TCF4: variants seen among roughly 807,000 people sequenced by gnomAD.
The protein encoded by TCF4 is SL3-3 enhancer factor 2.
A neutral mutation model predicts 82.1 loss-of-function variants in TCF4; 3 were observed. That is an observed-to-expected ratio of 0.04 (90% CI 0.02 to 0.09). TCF4 has a LOEUF of 0.09. TCF4 is among the 10% of genes least tolerant of loss of function. TCF4 has a pLI of 1.00. For missense variants in TCF4, 518 were observed against 852.7 expected (o/e 0.61, Z 4.89); for synonymous variants, 276 against 309.6 (o/e 0.89, Z 1.14).
intron 5 of TCF4, among the ~76,000 whole-genome samples, chr18:55,443,457 C>A (rs1183416336): frequency 6.6e-6 from 1 of 152,196 alleles, no homozygotes; most frequent in East Asian, 1.9e-4. Context: ...TATTGAGTAG[C>A]TGGCTCACTT....
intron 2 of TCF4, among the ~76,000 whole-genome samples, chr18:55,595,339 T>C (rs538392345): frequency 1.3e-5 from 2 of 152,364 alleles, no homozygotes; most frequent in African/African-American, 4.8e-5. Context: ...TGTACCATTA[T>C]TTCTGCATGG....
chr18:55,372,419 C>T (rs866153411), intron 6 of TCF4, among the ~76,000 whole-genome samples: 6 of 151,384 alleles, frequency 4.0e-5, no homozygotes, highest in South Asian at 2.1e-4. Context: ...ATGCAATAAT[C>T]GGGTGATTAA....
At chr18:55,303,015 C>T (rs1364941095) in intron 8 of TCF4, among the ~76,000 whole-genome samples, 6 of 152,060 alleles carry the variant, frequency 3.9e-5, no homozygotes, top group African/African-American at 1.4e-4. Flanking sequence ...TGAGGAATGG[C>T]CTCCAATTTA....
chr18:55,293,870 A>G (rs566134340), intron 8 of TCF4, among the ~76,000 whole-genome samples: 4 of 137,516 alleles, frequency 2.9e-5, no homozygotes, highest in African/African-American at 5.3e-5. Context: ...TGGAACAAAT[A>G]TTGGGGAAGA....
At chr18:55,339,389 C>T (rs927728313) in intron 8 of TCF4, among the ~76,000 whole-genome samples, 5 of 152,116 alleles carry the variant, frequency 3.3e-5, no homozygotes, top group African/African-American at 1.2e-4. Flanking sequence ...AAAGCCAAAT[C>T]GAAATGGAAG....
chr18:55,622,000 T>C (rs570724656), intron 2 of TCF4, among the ~76,000 whole-genome samples: 1 of 130,016 alleles, frequency 7.7e-6, no homozygotes, highest in South Asian at 2.2e-4. Flanking sequence ...ATATATTATA[T>C]ATACACTATA....
chr18:55,254,470 A>G, intron 15 of TCF4, 27 bp downstream of exon 15: 1 of 1,604,400 alleles, frequency 6.2e-7, no homozygotes, highest in Non-Finnish European at 8.5e-7. Flanking sequence ...TATGATAACT[A>G]TAGAGTCTAT....
chr18:55,350,496 C>T lies in TCF4; in HGVS notation c.500-88G>A, dbSNP rs147845905. ...AACCACAAAGACTTCTAGATGATAC[C>T]ACATTTCCTTAAATCATTACCTTAG... On this transcript the variant is annotated intron_variant, in intron 7 of 19. Coordinates refer to ENST00000354452, the MANE Select transcript of TCF4 (RefSeq NM_001083962.2). The T allele has an allele frequency of 0.029, 39,043 of 1,344,806 alleles. 722 individuals are homozygous for T. The highest frequency in any genetic ancestry group is 0.035 in the Non-Finnish European group (32,534 of 942,826). The allele number at this position is 1,344,806 out of a possible 1,614,324, so 83.3% of individuals were successfully genotyped here. A position where few individuals can be genotyped will look rare whatever the true frequency, so the allele number is the denominator to read the frequency against.
chr18:55,399,146 C>A (rs2093658977), intron 6 of TCF4, among the ~76,000 whole-genome samples: 1 of 151,988 alleles, frequency 6.6e-6, no homozygotes, highest in African/African-American at 2.4e-5. Context: ...TAAAAGAGGC[C>A]AAAAGTTTAG....
intron 6 of TCF4, among the ~76,000 whole-genome samples, chr18:55,392,551 C>A (rs1480265894): frequency 6.6e-6 from 1 of 151,570 alleles, no homozygotes; most frequent in East Asian, 1.9e-4. Flanking sequence ...TTATCCGTGA[C>A]TTGATCCTAT....
At chr18:55,501,718 AC>A (rs1253505628) in intron 3 of TCF4, among the ~76,000 whole-genome samples, 1 of 151,944 alleles carries the variant, frequency 6.6e-6, no homozygotes. Context: ...AAAAAAAAAA[AC>A]CTTCGCTGAA....
rs540320026 is a variant in TCF4, at chr18:55,515,144, C to T, written c.146-51007G>A. ...TCTTGTTCAGCCCTGTATCCCAACA[C>T]TTAATGTAAAGATGGAGAAACAAAG... On this transcript the variant is annotated intron_variant, in intron 3 of 19. Coordinates refer to ENST00000354452, the MANE Select transcript of TCF4 (RefSeq NM_001083962.2). Among the ~76,000 whole-genome samples, 4 of 152,108 alleles carry T rather than the reference C, an allele frequency of 2.6e-5. No individual in the cohort carries two copies. The South Asian group carries it at 6.2e-4, about 24-fold the overall frequency.
intron 3 of TCF4, among the ~76,000 whole-genome samples, chr18:55,465,099 A>T (rs932441898): frequency 2.0e-5 from 3 of 152,202 alleles, no homozygotes; most frequent in African/African-American, 7.2e-5. Flanking sequence ...TTTCACTGTT[A>T]TATTATTTTG....
chr18:55,257,990 A>G (rs2057254935), intron 13 of TCF4, among the ~76,000 whole-genome samples: 1 of 152,248 alleles, frequency 6.6e-6, no homozygotes, highest in African/African-American at 2.4e-5. Flanking sequence ...GATTGCTGTT[A>G]GAATACATAT....
chr18:55,608,123 C>A (rs2097703792), intron 2 of TCF4, among the ~76,000 whole-genome samples: 1 of 152,136 alleles, frequency 6.6e-6, no homozygotes. Flanking sequence ...TCCTAGACCA[C>A]AAAAAGATAA....
At chr18:55,616,857 G>A (rs1419821772) in intron 2 of TCF4, among the ~76,000 whole-genome samples, 2 of 152,010 alleles carry the variant, frequency 1.3e-5, no homozygotes, top group African/African-American at 4.8e-5. Flanking sequence ...TCAGATATAT[G>A]GTTTGCAGAC....
chr18:55,297,206 GAA>G (rs749849568), intron 8 of TCF4, among the ~76,000 whole-genome samples: 4 of 55,992 alleles, frequency 7.1e-5, no homozygotes, highest in Non-Finnish European at 1.4e-4. Flanking sequence ...TTTCCAAATA[GAA>G]AAAAAAAAAA....
chr18:55,578,799 A>G (rs954405964), intron 3 of TCF4, among the ~76,000 whole-genome samples: 40 of 152,218 alleles, frequency 2.6e-4, no homozygotes, highest in African/African-American at 9.1e-4. Context: ...GATTGCAGTT[A>G]ATAAACTACA....
At chr18:55,370,178 G>A (rs979706108) in intron 6 of TCF4, among the ~76,000 whole-genome samples, 3 of 152,166 alleles carry the variant, frequency 2.0e-5, no homozygotes, top group African/African-American at 4.8e-5. Flanking sequence ...CAGGAGGATC[G>A]CTTGAGCCCA....
Sources: allele counts gnomAD v4.1 joint callset (sites outside exome capture counted in the v4.1 genomes callset), GRCh38; gene constraint gnomAD v4.1.1; transcripts MANE v1.5; gene names NCBI Gene and HGNC (gene_info 2026-07-23, HGNC 2026-07-21).